L3MBTL3: variants seen among roughly 807,000 people sequenced by gnomAD.
L3MBTL3 encodes the protein L3MBTL histone methyl-lysine binding protein 3, also known as lethal(3)malignant brain tumor-like protein 3.
L3MBTL3 carries 27 observed loss-of-function variants against 102.3 expected under a neutral mutation model. That is an observed-to-expected ratio of 0.26 (90% CI 0.19 to 0.36). The LOEUF (loss-of-function observed/expected upper bound fraction) is 0.36, where lower values mean the gene tolerates loss of function less well. L3MBTL3 is among the 10% of genes least tolerant of loss of function. The pLI is 1.00. For missense variants in L3MBTL3, 798 were observed against 955.3 expected, an observed-to-expected ratio of 0.84 and a Z score of 2.17; for synonymous variants, 340 against 320.9, an observed-to-expected ratio of 1.06 and a Z score of -0.64.
chr6:130,058,636 A>G (rs1275139249), intron 9 of L3MBTL3, among the ~76,000 whole-genome samples: 1 of 152,164 alleles, frequency 6.6e-6, no homozygotes, highest in Non-Finnish European at 1.5e-5. Flanking sequence ...CTTTTTTGGT[A>G]AAGGGCCAGA....
At chr6:130,071,288 A>G (rs766922257) in intron 13 of L3MBTL3, among the ~76,000 whole-genome samples, 161 bp downstream of exon 13, 28 of 152,162 alleles carry the variant, frequency 1.8e-4, no homozygotes, top group Non-Finnish European at 3.4e-4. Flanking sequence ...CATATGGGAT[A>G]TATTTTAAAT....
intron 20 of L3MBTL3, among the ~76,000 whole-genome samples, chr6:130,132,484 TA>T (rs1787163652): frequency 6.6e-6 from 1 of 152,290 alleles, no homozygotes; most frequent in East Asian, 1.9e-4. Flanking sequence ...CTTAGAGATA[TA>T]AAAGCAAGGC....
chr6:130,049,524 T>G, intron 4 of L3MBTL3, 131 bp downstream of exon 4: 1 of 728,236 alleles, frequency 1.4e-6, no homozygotes, highest in Non-Finnish European at 2.2e-6. Context: ...TTAGGTAAAT[T>G]TCTATAATGA....
chr6:130,075,927 A>G (rs1782923941), intron 13 of L3MBTL3, among the ~76,000 whole-genome samples: 1 of 152,208 alleles, frequency 6.6e-6, no homozygotes. Context: ...CGTTGTGTTA[A>G]TGAAAGATTT....
chr6:130,120,381 T>A (rs1582616603), intron 19 of L3MBTL3, among the ~76,000 whole-genome samples: 1 of 152,192 alleles, frequency 6.6e-6, no homozygotes, highest in East Asian at 1.9e-4. Flanking sequence ...TGAAATCACT[T>A]CAGCGGGTGG....
intron 19 of L3MBTL3, among the ~76,000 whole-genome samples, chr6:130,116,723 G>A (rs976505521): frequency 6.6e-6 from 1 of 151,910 alleles, no homozygotes; most frequent in Non-Finnish European, 1.5e-5. Context: ...CTGCACTCCA[G>A]CCTGGACAGT....
chr6:130,069,039 G>C (rs1173673937), intron 12 of L3MBTL3, among the ~76,000 whole-genome samples: 1 of 152,238 alleles, frequency 6.6e-6, no homozygotes, highest in Non-Finnish European at 1.5e-5. Context: ...CAGATGGTCA[G>C]AGCTGAGTTG....
intron 14 of L3MBTL3, among the ~76,000 whole-genome samples, chr6:130,080,584 G>C (rs1297966751): frequency 6.6e-6 from 1 of 152,006 alleles, no homozygotes; most frequent in Non-Finnish European, 1.5e-5. Context: ...GGTGTAAGGC[G>C]TTATTGCCGA....
chr6:130,060,070 A>C lies in L3MBTL3; in HGVS notation c.794A>C (p.Lys265Thr). The C allele has an allele frequency of 3.1e-6, 5 of 1,613,728 alleles. No individual in the cohort carries two copies. The highest frequency in any genetic ancestry group is 4.2e-6 in the Non-Finnish European group (5 of 1,179,664). The change falls in exon 10 of 23, where the codon AAA becomes ACA. Residue 265 changes from lysine (K) to threonine (T), a missense_variant. Lys to Thr is a moderately conservative substitution (Grantham distance 78). Around this residue, in one of 4 missense-constraint regions of L3MBTL3, gnomAD observed 434 missense variants for 506.6 expected, o/e 0.86. Transcript: ENST00000361794. ...TTTCCATATAACAAAAATGGATTCA[A>C]AGTTGGCATGAAATTAGAAGGCGTG... is the stretch of plus-strand genomic sequence containing the variant. ...QSFPYNKNGF[K>T]VGMKLEGVDP...
chr6:130,133,650 A>C lies in L3MBTL3; in HGVS notation c.2136+29A>C, dbSNP rs1246560762. On this transcript the variant is annotated intron_variant, in intron 21 of 22. Coordinates refer to ENST00000361794, the MANE Select transcript of L3MBTL3 (RefSeq NM_032438.4). The surrounding 1 kb of genome is among the most constrained non-coding windows in gnomAD (Gnocchi z 4.9). Reference sequence around the variant, plus strand: ...TATTTTATTTTCTTTGCTGCCCGACACCAGATACAGGATTACTGGCTTAAG... The same window carrying C: ...TATTTTATTTTCTTTGCTGCCCGACCCCAGATACAGGATTACTGGCTTAAG... 6.2e-7 allele frequency: 1 copy of C among 1,609,480 alleles called. No individual in the cohort carries two copies. Among genetic ancestry groups the C allele is most frequent in the Non-Finnish European group, 8.5e-7 (1 of 1,178,974 alleles).
chr6:130,114,969 T>G (rs1238477761), intron 19 of L3MBTL3, among the ~76,000 whole-genome samples: 1 of 152,074 alleles, frequency 6.6e-6, no homozygotes, highest in Non-Finnish European at 1.5e-5. Context: ...CTTTTAAACT[T>G]TCTTTAGAGA....
chr6:130,117,682 A>G (rs1040067654), intron 19 of L3MBTL3, among the ~76,000 whole-genome samples: 5 of 152,042 alleles, frequency 3.3e-5, no homozygotes, highest in Non-Finnish European at 7.4e-5. Context: ...ATGGTTGTCC[A>G]ATTGAATAAA....
intron 10 of L3MBTL3, 72 bp downstream of exon 10, chr6:130,060,212 C>A: frequency 2.3e-6 from 2 of 858,852 alleles, no homozygotes; most frequent in Non-Finnish European, 3.7e-6. Context: ...GGAAAAACTG[C>A]CATTGGTTGT....
chr6:130,055,874 G>GTCTTC lies in L3MBTL3; in HGVS notation c.667+625_667+629dup, dbSNP rs1170217249. ...TTTGCCTTCTCTTTTCATCTCTTCTGTCTTCTCTTCCCTTCCCTTCCCTTC... is the reference window on the plus strand; with the variant it reads ...TTTGCCTTCTCTTTTCATCTCTTCTGTCTTCTCTTCTCTTCCCTTCCCTTCCCTTC... On this transcript the variant is annotated intron_variant, in intron 8 of 22. Transcript: ENST00000361794. Among the ~76,000 whole-genome samples the GTCTTC allele has an allele frequency of 3.3e-5, 5 of 150,104 alleles. No homozygotes were observed. In the East Asian group the frequency reaches 5.9e-4, roughly 18 times the overall value.
At chr6:130,056,545 C>T (rs770774603) in intron 8 of L3MBTL3, among the ~76,000 whole-genome samples, 4 of 152,200 alleles carry the variant, frequency 2.6e-5, no homozygotes, top group Non-Finnish European at 5.9e-5. Flanking sequence ...ATAGCCCCAC[C>T]TGCCCTAGGC....
chr6:130,065,364 A>G (rs1192821592), intron 10 of L3MBTL3, among the ~76,000 whole-genome samples: 1 of 152,222 alleles, frequency 6.6e-6, no homozygotes, highest in Non-Finnish European at 1.5e-5. Flanking sequence ...TAATACACAT[A>G]TGTATACATA....
intron 20 of L3MBTL3, among the ~76,000 whole-genome samples, chr6:130,128,151 C>A (rs1344705056): frequency 6.6e-6 from 1 of 152,004 alleles, no homozygotes; most frequent in Non-Finnish European, 1.5e-5. Context: ...GTATTTCTGA[C>A]TGTTATAAAT....
At chr6:130,087,598 GT>G (rs1284658435) in intron 16 of L3MBTL3, among the ~76,000 whole-genome samples, 1 of 152,050 alleles carries the variant, frequency 6.6e-6, no homozygotes, top group Non-Finnish European at 1.5e-5. Context: ...ATCGTAGAAT[GT>G]TGTTTATCCT....
chr6:130,030,665 TAAAAAAAAAAA>T (rs548921467), intron 2 of L3MBTL3, among the ~76,000 whole-genome samples: 3 of 48,532 alleles, frequency 6.2e-5, no homozygotes, highest in African/African-American at 2.8e-4. Flanking sequence ...AGACTCTACC[TAAAAAAAAAAA>T]AAAAAAAAAA....
Sources: allele counts gnomAD v4.1 joint callset (sites outside exome capture counted in the v4.1 genomes callset), GRCh38; gene constraint gnomAD v4.1.1; regional missense constraint gnomAD v4.1.1; non-coding constraint Gnocchi (gnomAD v3.1); transcripts MANE v1.5; gene names NCBI Gene and HGNC (gene_info 2026-07-23, HGNC 2026-07-21).